The following PAQR3 variants were observed in gnomAD, a reference collection of about 807,000 sequenced individuals.
PAQR3 encodes Raf kinase trapping to Golgi.
In PAQR3, 39 loss-of-function variants were observed where a neutral mutation model predicts 41.7. The observed-to-expected ratio is 0.93, with a 90% CI of 0.72 to 1.22. The LOEUF (loss-of-function observed/expected upper bound fraction) is 1.22, where lower values mean the gene tolerates loss of function less well. Ranked by LOEUF, PAQR3 falls within the 50% of genes most tolerant of loss-of-function variation. The probability of loss-of-function intolerance (pLI) is 0.00; values close to 1 mark genes in which losing one functional copy is unlikely to be tolerated. For missense variants in PAQR3, 366 were observed against 385.6 expected (o/e 0.95, Z 0.42); for synonymous variants, 140 against 140.6 (o/e 1.00, Z 0.03).
rs1342899793 is a variant in PAQR3, at chr4:78,914,369, G to T, written c.*6170C>A. On this transcript the variant is annotated 3_prime_UTR_variant, in exon 6 of 6. Coordinates refer to ENST00000512733, the MANE Select transcript of PAQR3 (RefSeq NM_001040202.2). ...CAGCACAGTGACTTTCTTCTTTCAA[G>T]ATTGTAGCTCAGAGAAAAGATACAG... The T allele has an allele frequency of 6.6e-6, 1 of 152,008 alleles. No individual in the cohort carries two copies. Among genetic ancestry groups the T allele is most frequent in the African/African-American group, 2.4e-5 (1 of 41,422 alleles). The allele number at this position is 152,008 out of a possible 1,614,324, so 9.4% of individuals were successfully genotyped here.
At chr4:78,907,572 G>A (rs1355002132), downstream of PAQR3, among the ~76,000 whole-genome samples, 1 of 152,138 alleles carries the variant, frequency 6.6e-6, no homozygotes, top group Non-Finnish European at 1.5e-5. Flanking sequence ...TGGTTTTAAA[G>A]GTTAACAGGC....
At chr4:78,894,646 TGTTTTCCTTTCTTACC>T (rs1733609460) in intron 11 of PAQR3, among the ~76,000 whole-genome samples, 1 of 152,222 alleles carries the variant, frequency 6.6e-6, no homozygotes, top group African/African-American at 2.4e-5. Flanking sequence ...GCAGTAAGGT[TGTTTTCCTTTCTTACC>T]GTTCATCACT....
At chr4:78,938,920 G>T in intron 1 of PAQR3, 120 bp downstream of exon 1, 2 of 980,874 alleles carry the variant, frequency 2.0e-6, no homozygotes, top group South Asian at 1.7e-5. Flanking sequence ...GGGATGAAAA[G>T]GATGGGGCGG....
chr4:78,894,138 G>A (rs1733581146), intron 11 of PAQR3, among the ~76,000 whole-genome samples: 1 of 152,202 alleles, frequency 6.6e-6, no homozygotes, highest in African/African-American at 2.4e-5. Context: ...CACAAACAGA[G>A]TAGTTTTAGC....
At chr4:78,887,255 T>C (rs1181503116) in exon 13 of PAQR3, 1 of 1,610,008 alleles carries the variant, frequency 6.2e-7, no homozygotes, top group African/African-American at 1.3e-5. Flanking sequence ...GAAGATCCTT[T>C]TGGTTCTGTT....
intron 11 of PAQR3, among the ~76,000 whole-genome samples, chr4:78,899,600 G>C (rs964600165): frequency 9.9e-5 from 15 of 151,972 alleles, no homozygotes; most frequent in African/African-American, 3.6e-4. Context: ...TAAGAAAAGG[G>C]ATAGAGAAAG....
intron 4 of PAQR3, among the ~76,000 whole-genome samples, chr4:78,925,529 ACT>A (rs1284269295): frequency 4.6e-5 from 7 of 151,982 alleles, no homozygotes; most frequent in Admixed American, 4.6e-4. Context: ...CACTCAATTC[ACT>A]CTGTCACAGA....
At chr4:78,892,536 A>G (rs1733494110) in intron 11 of PAQR3, among the ~76,000 whole-genome samples, 1 of 152,114 alleles carries the variant, frequency 6.6e-6, no homozygotes, top group African/African-American at 2.4e-5. Context: ...TCTGCTCTTT[A>G]TTTATTGACA....
chr4:78,895,638 A>T (rs939667981), intron 11 of PAQR3, among the ~76,000 whole-genome samples: 1 of 152,178 alleles, frequency 6.6e-6, no homozygotes, highest in Non-Finnish European at 1.5e-5. Context: ...TATTAATGGA[A>T]GTTGGGATGT....
chr4:78,896,280 C>T (rs1577970201), intron 11 of PAQR3, among the ~76,000 whole-genome samples: 2 of 152,156 alleles, frequency 1.3e-5, no homozygotes, highest in Non-Finnish European at 2.9e-5. Context: ...AATGCCTATA[C>T]TATGATAAAA....
downstream of PAQR3, among the ~76,000 whole-genome samples, chr4:78,908,071 GAAGTCA>G (rs1048545479): frequency 5.9e-5 from 9 of 151,860 alleles, no homozygotes; most frequent in Non-Finnish European, 1.3e-4. Context: ...GTGTAGGGAA[GAAGTCA>G]AACTTGAGAA....
chr4:78,911,484 C>G (rs765867126), downstream of PAQR3: 85 of 1,613,924 alleles, frequency 5.3e-5, no homozygotes, highest in Admixed American at 4.0e-4. Context: ...AGAAACTGTC[C>G]TCTCGCCAAA....
At chr4:78,887,446 A>T (rs1025573099) in intron 12 of PAQR3, 28 of 609,498 alleles carry the variant, frequency 4.6e-5, no homozygotes, top group Non-Finnish European at 2.0e-5. Flanking sequence ...TGTTCTTTGC[A>T]TTGAGTTATT....
At position 78,912,250 on chromosome 4, in the gene PAQR3, C is replaced by CT; in HGVS notation, c.*8288dup. ...AGAAAAGGGAGCTAAATTGCAAGCTCTAACTAAGGGTTTCTGCTACTGACA... is the reference window on the plus strand; with the variant it reads ...AGAAAAGGGAGCTAAATTGCAAGCTCTTAACTAAGGGTTTCTGCTACTGACA... On this transcript the variant is annotated 3_prime_UTR_variant, in exon 6 of 6. Transcript: ENST00000512733. 1 of 497,646 alleles carries CT rather than the reference C, an allele frequency of 2.0e-6. No individual in the cohort carries two copies. The highest frequency in any genetic ancestry group is 3.2e-5 in the East Asian group (1 of 31,436). 30.8% of individuals were successfully genotyped at this position (497,646 alleles called of 1,614,324 possible).
At chr4:78,927,132 A>G (rs976064308) in intron 3 of PAQR3, among the ~76,000 whole-genome samples, 2 of 152,224 alleles carry the variant, frequency 1.3e-5, no homozygotes, top group Non-Finnish European at 2.9e-5. Flanking sequence ...GTAGAACCAC[A>G]GAAGAGGGAA....
At position 78,917,798 on chromosome 4, in the gene PAQR3, A is replaced by G. The variant is rs1735229857; in HGVS notation, c.*2741T>C. The G allele has an allele frequency of 1.0e-6, 1 of 984,730 alleles. No homozygotes were observed. The highest frequency in any genetic ancestry group is 1.7e-5 in the African/African-American group (1 of 57,184). 61.0% of individuals were successfully genotyped at this position (984,730 alleles called of 1,614,324 possible). On this transcript the variant is annotated 3_prime_UTR_variant, in exon 6 of 6. Coordinates refer to ENST00000512733, the MANE Select transcript of PAQR3 (RefSeq NM_001040202.2). The stretch of plus-strand genomic sequence containing the variant: ...GAGTTGTACAGTTTTACGGAAGTCA[A>G]TCACAATCTTCAAATCGGATATTCT...
rs1044460477 is a variant in PAQR3, at chr4:78,926,645, T to G, written c.578A>C (p.Asn193Thr). The change falls in exon 4 of 6, where the codon AAT becomes ACT. Residue 193 changes from asparagine to threonine, a missense_variant. Coordinates refer to ENST00000512733, the MANE Select transcript of PAQR3 (RefSeq NM_001040202.2). ...CCTTTGCCATTGCTGCGTGAGGTAA[T>G]TGGGATGAATCTGCGCAAAGAACAC... ...LAVFFAQIHPNYLTQQWQRLR... is the reference protein window; with the variant it reads ...LAVFFAQIHPTYLTQQWQRLR... 11 of 1,613,940 alleles carry G rather than the reference T, an allele frequency of 6.8e-6. No homozygotes were observed. The highest frequency in any genetic ancestry group is 9.3e-6 in the Non-Finnish European group (11 of 1,179,938).
rs772227424 is a variant in PAQR3, at chr4:78,920,609, T to G, written c.866A>C (p.His289Pro). 1 of 1,612,076 alleles carries G rather than the reference T, an allele frequency of 6.2e-7. No individual in the cohort carries two copies. The highest frequency in any genetic ancestry group is 2.2e-5 in the East Asian group (1 of 44,820). The change falls in exon 6 of 6, where the codon CAT becomes CCT. Residue 289 changes from histidine to proline, a missense_variant. Transcript: ENST00000512733. ...CTGCATGACATACACTGTTGACTGA[T>G]GCCACCAATATAACATCACTACTGC... ...ILAVVMLYWWHQSTVYVMQYR... is the reference protein window; with the variant it reads ...ILAVVMLYWWPQSTVYVMQYR...
chr4:78,911,663 C>T, downstream of PAQR3: 1 of 1,613,924 alleles, frequency 6.2e-7, no homozygotes, highest in Non-Finnish European at 8.5e-7. Context: ...TTAACCATCT[C>T]AGACTCCAAG....
Sources: gnomAD v4.1 joint callset for allele counts (sites outside exome capture counted in the v4.1 genomes callset) on GRCh38, gnomAD v4.1.1 for gene constraint, MANE v1.5 for transcripts, NCBI Gene and HGNC (gene_info 2026-07-23, HGNC 2026-07-21) for gene names.